TNFRSF4: variants seen among roughly 807,000 people sequenced by gnomAD.
TNFRSF4 encodes the protein tumor necrosis factor receptor superfamily member 4.
TNFRSF4 carries 21 observed loss-of-function variants against 29.5 expected under a neutral mutation model. The ratio of observed to expected loss-of-function variants is 0.71; its 90% CI spans 0.51 to 1.03. The LOEUF is 1.03. TNFRSF4 is among the 50% of genes least tolerant of loss of function. The pLI is 0.00. For missense variants in TNFRSF4, 408 were observed against 387.8 expected, an observed-to-expected ratio of 1.05 and a Z score of -0.44; for synonymous variants, 197 against 172.7, an observed-to-expected ratio of 1.14 and a Z score of -1.10.
rs9661697 is a variant in TNFRSF4, at chr1:1,212,390, G to A, written c.437+248C>T. Among the ~76,000 whole-genome samples, 11,528 of 149,752 alleles carry A rather than the reference G, an allele frequency of 0.077. 534 individuals are homozygous for A. The highest frequency in any genetic ancestry group is 0.14 in the East Asian group (706 of 5,052). On this transcript the variant is annotated intron_variant, in intron 4 of 6. Transcript: ENST00000379236. The stretch of plus-strand genomic sequence containing the variant: ...TGTGCCCCCAGGGCCTCCCAGCTGC[G>A]GAGGGTGAGGGTCCCACACACCCAG...
chr1:1,211,937 C>G lies in TNFRSF4; in HGVS notation c.634+5G>C. ...GCCCCGCTGGGCTGGGCCAGGCGCC[C>G]TTACCCCCGGGGACCTCCACGGGCC... On this transcript the variant is annotated splice_donor_5th_base_variant and intron_variant, in intron 5 of 6. Transcript: ENST00000379236. The G allele has an allele frequency of 6.4e-7, 1 of 1,550,470 alleles. No homozygotes were observed. The highest frequency in any genetic ancestry group is 2.3e-5 in the East Asian group (1 of 43,328).
Position 1,211,782 on chromosome 1 carries a change from C to A in TNFRSF4, c.685G>T (p.Gly229Cys). The A allele has an allele frequency of 6.4e-7, 1 of 1,557,824 alleles. No individual in the cohort carries two copies. The highest frequency in any genetic ancestry group is 8.7e-7 in the Non-Finnish European group (1 of 1,154,394). Residue 229 changes from glycine to cysteine, a missense_variant, in exon 6 of 7, where the codon GGC becomes TGC. By Grantham distance (159) the Gly-to-Cys change is radical. Coordinates refer to ENST00000379236, the MANE Select transcript of TNFRSF4 (RefSeq NM_003327.4). ...LGLGLVLGLL[G>C]PLAILLALYL... ...AGGGCCAGCAGGATGGCCAGGGGGCCCAGCAGCCCCAGCACCAGGCCCAGG... is the reference window on the plus strand; with the variant it reads ...AGGGCCAGCAGGATGGCCAGGGGGCACAGCAGCCCCAGCACCAGGCCCAGG...
At chr1:1,213,853 G>A in intron 1 of TNFRSF4, 68 bp from the exon 2 acceptor site, 2 of 1,505,212 alleles carry the variant, frequency 1.3e-6, no homozygotes, top group Non-Finnish European at 1.8e-6. Flanking sequence ...CCCCCAGGCG[G>A]CTCCTCTGCC....
rs767154582 is a variant in TNFRSF4 at position 1,211,800 on chromosome 1, G to C, written c.667C>G (p.Leu223Val). 9.6e-6 allele frequency: 15 copies of C among 1,554,818 alleles called. No homozygotes were observed. Among genetic ancestry groups the C allele is most frequent in the Non-Finnish European group, 1.2e-5 (14 of 1,153,386 alleles). Reference sequence around the variant, plus strand: ...AGGGGGCCCAGCAGCCCCAGCACCAGGCCCAGGCCCAGGATGGCGGCAACC... The same window carrying C: ...AGGGGGCCCAGCAGCCCCAGCACCACGCCCAGGCCCAGGATGGCGGCAACC... ...RAVAAILGLG[L>V]VLGLLGPLAI... The change falls in exon 6 of 7, where the codon CTG becomes GTG. Residue 223 changes from leucine (L) to valine (V), a missense_variant. Transcript: ENST00000379236.
rs754915975 is a variant in TNFRSF4 at position 1,213,017 on chromosome 1, G to T, written c.345C>A (p.Pro115=). The part of the protein sequence containing the change: ...TVCRCRAGTQ[P]LDSYKPGVDC... ...CAACTCCAGGCTTGTAGCTGTCCAGGGGCTGGGTGCCCGCCCGGCAGCGGC... is the reference window on the plus strand; with the variant it reads ...CAACTCCAGGCTTGTAGCTGTCCAGTGGCTGGGTGCCCGCCCGGCAGCGGC... Residue 115 remains proline, a synonymous_variant, in exon 3 of 7, where the codon CCC becomes CCA. Transcript: ENST00000379236. The T allele has an allele frequency of 1.2e-6, 2 of 1,611,626 alleles. No homozygotes were observed. The highest frequency in any genetic ancestry group is 1.3e-5 in the African/African-American group (1 of 74,920).
At position 1,213,430 on chromosome 1, in the gene TNFRSF4, G is replaced by A. The variant is rs552250609; in HGVS notation, c.268+233C>T. The stretch of plus-strand genomic sequence containing the variant: ...AGCAAGGCCAGGCCACATGGCCAGC[G>A]TGGTCTCCCCGACTCCACGTGGCCT... On this transcript the variant is annotated intron_variant, in intron 2 of 6. Coordinates refer to ENST00000379236, the MANE Select transcript of TNFRSF4 (RefSeq NM_003327.4). 1.2e-3 allele frequency: 1,819 copies of A among 1,530,922 alleles called. 2 individuals are homozygous for A. The highest frequency in any genetic ancestry group is 1.6e-3 in the South Asian group (129 of 82,472). The allele number at this position is 1,530,922 out of a possible 1,614,324, so 94.8% of individuals were successfully genotyped here.
rs376354151 is a variant in TNFRSF4, at chr1:1,213,745, C to G, written c.186G>C (p.Thr62=). The change falls in exon 2 of 7, where the codon ACG becomes ACC. Residue 62 remains threonine, a synonymous_variant. Transcript: ENST00000379236. The part of the protein sequence containing the change: ...MVSRCSRSQN[T]VCRPCGPGFY... The stretch of plus-strand genomic sequence containing the variant: ...AGCCCGGCCCGCACGGACGGCACAC[C>G]GTGTTCTGGGAGCGGCTGCAGCGGC... 2.8e-5 allele frequency: 45 copies of G among 1,603,444 alleles called. No homozygotes were observed. In the Admixed American group the frequency reaches 5.1e-4, roughly 18 times the overall value.
chr1:1,211,783 C>A lies in TNFRSF4; in HGVS notation c.684G>T (p.Leu228=). The A allele has an allele frequency of 6.4e-7, 1 of 1,557,960 alleles. No homozygotes were observed. Among genetic ancestry groups the A allele is most frequent in the Non-Finnish European group, 8.7e-7 (1 of 1,154,464 alleles). ...ILGLGLVLGL[L]GPLAILLALY... is the part of the protein sequence containing the mutation. ...GGGCCAGCAGGATGGCCAGGGGGCCCAGCAGCCCCAGCACCAGGCCCAGGC... is the reference window on the plus strand; with the variant it reads ...GGGCCAGCAGGATGGCCAGGGGGCCAAGCAGCCCCAGCACCAGGCCCAGGC... Residue 228 remains leucine, a synonymous_variant, in exon 6 of 7, where the codon CTG becomes CTT. Coordinates refer to ENST00000379236, the MANE Select transcript of TNFRSF4 (RefSeq NM_003327.4).
intron 4 of TNFRSF4, 89 bp from the exon 5 acceptor site, chr1:1,212,227 C>T: frequency 7.1e-7 from 1 of 1,415,308 alleles, no homozygotes; most frequent in Non-Finnish European, 9.8e-7. Context: ...CGCTGGCCAG[C>T]CACAGGCAGC....
intron 3 of TNFRSF4, 89 bp from the exon 4 acceptor site, chr1:1,212,793 C>G: frequency 7.7e-7 from 1 of 1,305,120 alleles, no homozygotes; most frequent in South Asian, 1.5e-5. Context: ...GCACTTGCCC[C>G]CCATGGCTGG....
At chr1:1,212,821 T>C in intron 3 of TNFRSF4, 117 bp from the exon 4 acceptor site, 7 of 1,230,084 alleles carry the variant, frequency 5.7e-6, no homozygotes, top group Non-Finnish European at 7.8e-6. Context: ...GTTTGGCCTC[T>C]GGAAGCCCTC....
Position 1,214,046 on chromosome 1 carries a change from C to T in TNFRSF4, c.82G>A (p.Gly28Arg). The T allele has an allele frequency of 6.2e-7, 1 of 1,602,608 alleles. No individual in the cohort carries two copies. The highest frequency in any genetic ancestry group is 8.5e-7 in the Non-Finnish European group (1 of 1,177,240). ...TAGGTGTCCCCGACACAGTGGAGCC[C>T]CGTCACGGTGCTCAGCCCCAGGCCC... ...LLGLGLSTVT[G>R]LHCVGDTYPS... is the part of the protein sequence containing the mutation. The change falls in exon 1 of 7, where the codon GGG (glycine) becomes AGG (arginine). Residue 28 changes from glycine to arginine, a missense_variant. Coordinates refer to ENST00000379236, the MANE Select transcript of TNFRSF4 (RefSeq NM_003327.4). This position sits in a 1 kb window ranked among gnomAD's most constrained non-coding sequence, Gnocchi z 4.2.
At chr1:1,212,859 G>T in intron 3 of TNFRSF4, 133 bp downstream of exon 3, 1 of 1,254,164 alleles carries the variant, frequency 8.0e-7, no homozygotes, top group South Asian at 1.5e-5. Flanking sequence ...CGTGGGCCCT[G>T]ACCCGGGAGC....
In TNFRSF4 at chr1:1,212,068, C is replaced by T. The variant is rs1476917586; in HGVS notation, c.508G>A (p.Asp170Asn). 2.5e-6 allele frequency: 4 copies of T among 1,612,316 alleles called. No individual in the cohort carries two copies. The highest frequency in any genetic ancestry group is 1.7e-4 in the Middle Eastern group (1 of 6,048). The change falls in exon 5 of 7, where the codon GAC becomes AAC. Residue 170 changes from aspartate to asparagine, a missense_variant. Asp to Asn is a conservative substitution (Grantham distance 23, BLOSUM62 1). Coordinates refer to ENST00000379236, the MANE Select transcript of TNFRSF4 (RefSeq NM_003327.4). ...TCCTGGGGCTGCGTGGCTGGGGGGTCCCTGTCCTCACAGATTGCGTCCGAG... is the reference window on the plus strand; with the variant it reads ...TCCTGGGGCTGCGTGGCTGGGGGGTTCCTGTCCTCACAGATTGCGTCCGAG... ...NSSDAICEDRDPPATQPQETQ... is the reference protein window; with the variant it reads ...NSSDAICEDRNPPATQPQETQ...
rs758084628 is a variant in TNFRSF4 at position 1,214,112 on chromosome 1, G to A, written c.16C>T (p.Arg6Trp). Residue 6 changes from arginine to tryptophan, a missense_variant, in exon 1 of 7, where the codon CGG (arginine) becomes TGG (tryptophan). Transcript: ENST00000379236. This position sits in a 1 kb window ranked among gnomAD's most constrained non-coding sequence, Gnocchi z 4.2. ...GCACACGGCCCGCGGCCCAGCCGCC[G>A]AGCCCCCACGCACATCCTCGTCTCT... MCVGA[R>W]RLGRGPCAAL... 23 of 1,582,484 alleles carry A rather than the reference G, an allele frequency of 1.5e-5. No individual in the cohort carries two copies. Among genetic ancestry groups the A allele is most frequent in the South Asian group, 9.1e-5 (8 of 88,136 alleles).
At chr1:1,212,557 TCCCAG>T in intron 4 of TNFRSF4, 76 bp downstream of exon 4, 1 of 97,142 alleles carries the variant, frequency 1.0e-5, no homozygotes, top group African/African-American at 2.6e-4. Context: ...CCCCAGCCCC[TCCCAG>T]CTCCCCAGCT....
chr1:1,212,863 C>T (rs1005055301), intron 3 of TNFRSF4, 129 bp downstream of exon 3: 19 of 1,263,766 alleles, frequency 1.5e-5, no homozygotes, highest in Non-Finnish European at 1.7e-5. Context: ...GGCCCTGACC[C>T]GGGAGCTCGG....
Position 1,213,650 on chromosome 1 carries a change from GGT to G in TNFRSF4, c.268+11_268+12del. ...TGTGCTGGGTGGGGCTGTGGGGCCA[GGT>G]GGGAGCTCACTGAGGTTACACCACG... On this transcript the variant is annotated intron_variant, in intron 2 of 6. Transcript: ENST00000379236. 6.3e-7 allele frequency: 1 copy of G among 1,580,576 alleles called. No individual in the cohort carries two copies. The highest frequency in any genetic ancestry group is 1.3e-5 in the African/African-American group (1 of 74,434).
At position 1,213,103 on chromosome 1, in the gene TNFRSF4, G is replaced by A. The variant is rs1370393670; in HGVS notation, c.269-10C>T. On this transcript the variant is annotated splice_polypyrimidine_tract_variant and intron_variant, in intron 2 of 6. Transcript: ENST00000379236. ...CGCTCACTCCCACTTCCTGAGCAGG[G>A]GCCGGATGGGGGGGTGGTCAGGTGG... The A allele has an allele frequency of 2.5e-6, 4 of 1,604,552 alleles. No homozygotes were observed. The highest frequency in any genetic ancestry group is 3.4e-6 in the Non-Finnish European group (4 of 1,177,298).
Sources: allele counts gnomAD v4.1 joint callset (sites outside exome capture counted in the v4.1 genomes callset), GRCh38; gene constraint gnomAD v4.1.1; non-coding constraint Gnocchi (gnomAD v3.1); transcripts MANE v1.5; gene names NCBI Gene and HGNC (gene_info 2026-07-23, HGNC 2026-07-21).